Variants in NTM observed in about 807,000 individuals in gnomAD.
NTM encodes IgLON family member 2.
In NTM, 13 loss-of-function variants were observed where a neutral mutation model predicts 42.1. The observed-to-expected ratio is 0.31, with a 90% CI of 0.20 to 0.49. NTM has a LOEUF of 0.49. Among genes scored for constraint, NTM ranks in the 20% least tolerant of loss-of-function variants. NTM has a pLI of 0.99. For missense variants in NTM, 373 were observed against 452.8 expected (o/e 0.82, Z 1.60); for synonymous variants, 187 against 179.2 (o/e 1.04, Z -0.35).
At chr11:132,289,556 A>G (rs943417560) in intron 4 of NTM, among the ~76,000 whole-genome samples, 1 of 152,168 alleles carries the variant, frequency 6.6e-6, no homozygotes, top group Non-Finnish European at 1.5e-5. Flanking sequence ...ACCATACTCC[A>G]TCCCCTCACC....
At chr11:132,035,873 C>T (rs1477179847) in intron 2 of NTM, among the ~76,000 whole-genome samples, 1 of 152,140 alleles carries the variant, frequency 6.6e-6, no homozygotes, top group East Asian at 1.9e-4. Context: ...CTCTCTGCCA[C>T]CTCTCATCAG....
At chr11:132,157,909 G>A (rs1466361358) in intron 3 of NTM, among the ~76,000 whole-genome samples, 1 of 152,156 alleles carries the variant, frequency 6.6e-6, no homozygotes, top group Non-Finnish European at 1.5e-5. Context: ...AGCACGTCCT[G>A]CTAGATTTTC....
At chr11:131,607,663 C>A (rs761308850) in intron 1 of NTM, among the ~76,000 whole-genome samples, 39 of 152,242 alleles carry the variant, frequency 2.6e-4, no homozygotes, top group South Asian at 8.3e-4. Context: ...TGTGAACCCT[C>A]CAACACTCAT....
At chr11:132,229,981 T>C (rs919849643) in intron 4 of NTM, among the ~76,000 whole-genome samples, 2 of 152,246 alleles carry the variant, frequency 1.3e-5, no homozygotes, top group African/African-American at 4.8e-5. Context: ...ACTGCCGTCA[T>C]AGAATCTGGG....
chr11:131,984,441 T>C (rs1271134514), intron 2 of NTM: 4 of 152,230 alleles, frequency 2.6e-5, no homozygotes, highest in Non-Finnish European at 4.4e-5. Context: ...AGAAGCTTCT[T>C]ATCTATACTC....
At chr11:132,204,418 T>A (rs553069862) in intron 3 of NTM, among the ~76,000 whole-genome samples, 1 of 152,206 alleles carries the variant, frequency 6.6e-6, no homozygotes, top group African/African-American at 2.4e-5. Context: ...CCATTTTCAA[T>A]GAACGAGACA....
intron 3 of NTM, among the ~76,000 whole-genome samples, chr11:132,197,353 T>C (rs1566444997): frequency 6.6e-6 from 1 of 152,154 alleles, no homozygotes; most frequent in Non-Finnish European, 1.5e-5. Flanking sequence ...AATAGTTGGA[T>C]TGGTGAGTGC....
chr11:132,171,480 C>T (rs2076111022), intron 3 of NTM, among the ~76,000 whole-genome samples: 1 of 152,148 alleles, frequency 6.6e-6, no homozygotes, highest in Non-Finnish European at 1.5e-5. Context: ...GGTGAGGGGT[C>T]TCTTTCTAGC....
chr11:132,132,052 C>T (rs532552512), intron 2 of NTM, among the ~76,000 whole-genome samples: 5 of 152,214 alleles, frequency 3.3e-5, no homozygotes, highest in South Asian at 4.2e-4. Flanking sequence ...ATTATTTGCC[C>T]AGTGTTGGTT....
chr11:131,693,992 A>G (rs1360769367), intron 1 of NTM, among the ~76,000 whole-genome samples: 2 of 152,132 alleles, frequency 1.3e-5, no homozygotes, highest in Non-Finnish European at 2.9e-5. Context: ...TAGGAGAGAG[A>G]TTGCAAAATC....
At chr11:131,998,897 GTT>G (rs1396619785) in intron 2 of NTM, among the ~76,000 whole-genome samples, 1 of 152,176 alleles carries the variant, frequency 6.6e-6, no homozygotes, top group Non-Finnish European at 1.5e-5. Context: ...AGACTGCTGT[GTT>G]TTGTGCCATT....
intron 1 of NTM, among the ~76,000 whole-genome samples, chr11:131,566,206 A>G (rs1381854499): frequency 6.6e-6 from 1 of 152,186 alleles, no homozygotes; most frequent in African/African-American, 2.4e-5. Context: ...GAAATTAAAC[A>G]TTTAGGGGAC....
At chr11:131,929,432 G>A (rs77206011) in intron 2 of NTM, among the ~76,000 whole-genome samples, 14,625 of 152,050 alleles carry the variant, frequency 0.096, 751 homozygotes, top group East Asian at 0.21. Context: ...GACAGTTTGA[G>A]CTGCTGCATG....
intron 2 of NTM, among the ~76,000 whole-genome samples, chr11:132,130,822 G>A (rs1397375768): frequency 6.6e-6 from 1 of 152,134 alleles, no homozygotes; most frequent in Non-Finnish European, 1.5e-5. Flanking sequence ...GATTTCTCAC[G>A]GTGAGAACTG....
intron 2 of NTM, among the ~76,000 whole-genome samples, chr11:131,972,168 G>A (rs572972345): frequency 5.8e-4 from 88 of 152,012 alleles, no homozygotes; most frequent in Non-Finnish European, 8.8e-5. Context: ...AGCTGTGATT[G>A]CACCACTGCA....
At chr11:132,199,174 CAT>C (rs148225403) in intron 3 of NTM, among the ~76,000 whole-genome samples, 11 of 152,176 alleles carry the variant, frequency 7.2e-5, no homozygotes, top group Non-Finnish European at 1.3e-4. Context: ...ATTAATGAAA[CAT>C]AAAAGATCAT....
In NTM at chr11:131,705,262, G is replaced by A. The variant is rs114372068; in HGVS notation, c.83-206302G>A. ...ACTTGTATTCAAGGGAAACTTCCCT[G>A]TAGGACTATCAGCAGATTTCTCAGC... On this transcript the variant is annotated intron_variant, in intron 1 of 8. Transcript: ENST00000683400. 8.2e-3 allele frequency among the ~76,000 whole-genome samples: 1,246 copies of A among 152,302 alleles called. 20 individuals carry two copies. Among genetic ancestry groups the A allele is most frequent in the African/African-American group, 0.025 (1,019 of 41,564 alleles).
chr11:132,275,701 T>C lies in NTM; in HGVS notation c.527-31988T>C, dbSNP rs12282383. Among the ~76,000 whole-genome samples the C allele has an allele frequency of 4.5e-3, 520 of 115,388 alleles. 3 individuals are homozygous for C. Among genetic ancestry groups the C allele is most frequent in the Middle Eastern group, 0.011 (2 of 190 alleles). The allele number at this position is 115,388 out of a possible 152,430, so 75.7% of individuals were successfully genotyped here. A position where few individuals can be genotyped will look rare whatever the true frequency, so the allele number is the denominator to read the frequency against. ...TACAACTTGATGTTTTATATATATA[T>C]GTATATATATATGTATATATATACG... is the stretch of plus-strand genomic sequence containing the variant. On this transcript the variant is annotated intron_variant, in intron 4 of 8. Transcript: ENST00000683400.
intron 4 of NTM, among the ~76,000 whole-genome samples, chr11:132,236,144 A>T (rs891147609): frequency 6.6e-6 from 1 of 152,150 alleles, no homozygotes. Context: ...TCATTAGCCA[A>T]CTTTTCTGGA....
Sources: allele counts gnomAD v4.1 joint callset (sites outside exome capture counted in the v4.1 genomes callset), GRCh38; gene constraint gnomAD v4.1.1; transcripts MANE v1.5; gene names NCBI Gene and HGNC (gene_info 2026-07-23, HGNC 2026-07-21).